Variants in DPP10 observed in about 807,000 individuals in gnomAD.
The protein encoded by DPP10 is dipeptidyl peptidase like 10.
A neutral mutation model predicts 120.9 loss-of-function variants in DPP10; 33 were observed. That is an observed-to-expected ratio of 0.27 (90% CI 0.21 to 0.37). The LOEUF (loss-of-function observed/expected upper bound fraction) is 0.37, where lower values mean the gene tolerates loss of function less well. Among genes scored for constraint, DPP10 ranks in the 10% least tolerant of loss-of-function variants. The probability of loss-of-function intolerance (pLI) is 1.00; values close to 1 mark genes in which losing one functional copy is unlikely to be tolerated. For synonymous variants in DPP10, 337 were observed against 326.1 expected, an observed-to-expected ratio of 1.03 and a Z score of -0.36; for missense variants, 816 against 942.8, an observed-to-expected ratio of 0.87 and a Z score of 1.76.
chr2:115,697,867 C>A (rs1388913520), intron 7 of DPP10, among the ~76,000 whole-genome samples: 1 of 152,098 alleles, frequency 6.6e-6, no homozygotes, highest in Non-Finnish European at 1.5e-5. Flanking sequence ...CGCCTGTAGT[C>A]CCAGTTACTC....
chr2:114,535,208 G>T (rs1274435212), intron 1 of DPP10, among the ~76,000 whole-genome samples: 2 of 152,106 alleles, frequency 1.3e-5, no homozygotes, highest in Admixed American at 1.3e-4. Flanking sequence ...TTAATGTTAA[G>T]CTTTCACCTA....
chr2:115,564,752 T>C (rs6542268), intron 5 of DPP10, among the ~76,000 whole-genome samples: 150,183 of 152,322 alleles, frequency 0.99, 74,078 homozygotes, highest in East Asian at 1. Context: ...AGCAGTGTTT[T>C]CCACATTAAA....
chr2:115,016,165 G>A (rs892240440), intron 1 of DPP10, among the ~76,000 whole-genome samples: 1 of 151,998 alleles, frequency 6.6e-6, no homozygotes, highest in African/African-American at 2.4e-5. Context: ...TAGACCAATG[G>A]AACAGAACAG....
At chr2:115,564,495 A>G (rs1225566261) in intron 5 of DPP10, among the ~76,000 whole-genome samples, 5 of 152,186 alleles carry the variant, frequency 3.3e-5, no homozygotes, top group African/African-American at 4.8e-5. Flanking sequence ...AGAAAGTTCT[A>G]TTTCAATACA....
At chr2:114,917,599 TA>T (rs1558877500) in intron 1 of DPP10, among the ~76,000 whole-genome samples, 2 of 151,908 alleles carry the variant, frequency 1.3e-5, no homozygotes, top group Non-Finnish European at 2.9e-5. Context: ...GGTATTTGTG[TA>T]AAAACAGACA....
intron 1 of DPP10, among the ~76,000 whole-genome samples, chr2:115,032,984 T>C (rs1573376343): frequency 6.6e-6 from 1 of 152,230 alleles, no homozygotes; most frequent in Non-Finnish European, 1.5e-5. Flanking sequence ...GTTTTAATCA[T>C]AAGAATTAGT....
At chr2:115,646,252 T>C (rs2087247229) in intron 5 of DPP10, among the ~76,000 whole-genome samples, 1 of 152,186 alleles carries the variant, frequency 6.6e-6, no homozygotes, top group Admixed American at 6.5e-5. Flanking sequence ...GATCAGACTG[T>C]CACATATTGC....
chr2:115,163,170 C>G lies in DPP10; in HGVS notation c.61-146069C>G, dbSNP rs139560137. Among the ~76,000 whole-genome samples, 74 of 152,306 alleles carry G rather than the reference C, an allele frequency of 4.9e-4. 1 individual carries two copies. The East Asian group carries it at 0.014, about 29-fold the overall frequency. On this transcript the variant is annotated intron_variant, in intron 1 of 25. Coordinates refer to ENST00000410059, the MANE Select transcript of DPP10 (RefSeq NM_020868.6). ...GGGAGCGCACGCGGCTAGGCTCCAG[C>G]AGCGACTCGGCTTTTCGCGTATTCT...
intron 1 of DPP10, among the ~76,000 whole-genome samples, chr2:114,882,861 A>T (rs1289220837): frequency 6.6e-6 from 1 of 152,178 alleles, no homozygotes; most frequent in Non-Finnish European, 1.5e-5. Flanking sequence ...AAGGAGAAAA[A>T]AACAAATCTT....
rs188649639 is a variant in DPP10, at chr2:115,521,561, A to T, written c.367-4337A>T. Among the ~76,000 whole-genome samples, 603 of 151,390 alleles carry T rather than the reference A, an allele frequency of 4.0e-3. 3 individuals are homozygous for T. The highest frequency in any genetic ancestry group is 6.8e-3 in the Admixed American group (104 of 15,216). On this transcript the variant is annotated intron_variant, in intron 4 of 25. Transcript: ENST00000410059. ...GATAAAAACTTGAAAACCTGGAGTT[A>T]TTCTGTATACTTTCTTCTTTCTCCA...
intron 1 of DPP10, among the ~76,000 whole-genome samples, chr2:114,481,641 G>A (rs987548983): frequency 3.3e-5 from 5 of 152,094 alleles, no homozygotes; most frequent in African/African-American, 9.6e-5. Context: ...AGATGGACAA[G>A]CAACAACTTA....
intron 1 of DPP10, among the ~76,000 whole-genome samples, chr2:114,779,696 A>T (rs1682102275): frequency 6.6e-6 from 1 of 152,158 alleles, no homozygotes; most frequent in African/African-American, 2.4e-5. Flanking sequence ...GGTGTTAAGG[A>T]TGCCCAACCT....
At chr2:114,719,875 T>C (rs1324539235) in intron 1 of DPP10, among the ~76,000 whole-genome samples, 1 of 152,152 alleles carries the variant, frequency 6.6e-6, no homozygotes, top group East Asian at 1.9e-4. Flanking sequence ...TCAATAGCAA[T>C]GGACTTGAAG....
At chr2:115,426,449 G>C (rs2070464501) in intron 3 of DPP10, among the ~76,000 whole-genome samples, 1 of 31,144 alleles carries the variant, frequency 3.2e-5, no homozygotes, top group African/African-American at 1.6e-4. Context: ...CGACGCTGGA[G>C]ATGACATTTC....
rs1276723033 is a variant in DPP10 at position 114,659,141 on chromosome 2, T to G, written c.60+216303T>G. On this transcript the variant is annotated intron_variant, in intron 1 of 25. Coordinates refer to ENST00000410059, the MANE Select transcript of DPP10 (RefSeq NM_020868.6). ...CCCAGCAATAAGCCAGGTGTAACTG[T>G]GAACCAATTAAACTTCTTTCCTTCA... Among the ~76,000 whole-genome samples, 3 of 152,320 alleles carry G rather than the reference T, an allele frequency of 2.0e-5. No homozygotes were observed. In the South Asian group the frequency reaches 6.2e-4, roughly 32 times the overall value.
At chr2:115,694,277 T>C (rs1329806334) in intron 7 of DPP10, among the ~76,000 whole-genome samples, 1 of 152,062 alleles carries the variant, frequency 6.6e-6, no homozygotes, top group Non-Finnish European at 1.5e-5. Flanking sequence ...CTTTAATTAG[T>C]TTTGCATTAA....
intron 1 of DPP10, among the ~76,000 whole-genome samples, chr2:114,796,987 A>G (rs1210843355): frequency 3.3e-5 from 5 of 152,190 alleles, no homozygotes; most frequent in East Asian, 1.9e-4. Context: ...ATAGAACTCT[A>G]CTTGAAGAGC....
chr2:114,840,356 C>T (rs943031089), intron 1 of DPP10, among the ~76,000 whole-genome samples: 4 of 151,988 alleles, frequency 2.6e-5, no homozygotes, highest in East Asian at 3.9e-4. Flanking sequence ...AAATGGAGGG[C>T]GAGGGGCATT....
At chr2:115,113,414 TATATCTTAG>T (rs66584359) in intron 1 of DPP10, among the ~76,000 whole-genome samples, 37,211 of 151,836 alleles carry the variant, frequency 0.25, 4,899 homozygotes, top group East Asian at 0.3. Flanking sequence ...TTTCATGAAG[TATATCTTAG>T]ACACGTTTTT....
Sources: gnomAD v4.1 joint callset for allele counts (sites outside exome capture counted in the v4.1 genomes callset) on GRCh38, gnomAD v4.1.1 for gene constraint, MANE v1.5 for transcripts, NCBI Gene and HGNC (gene_info 2026-07-23, HGNC 2026-07-21) for gene names.